The following THSD7B variants were observed in gnomAD, a reference collection of about 807,000 sequenced individuals.
The protein encoded by THSD7B is thrombospondin type-1 domain-containing protein 7B.
In THSD7B, 138 loss-of-function variants were observed where a neutral mutation model predicts 213.6. That is an observed-to-expected ratio of 0.65 (90% CI 0.56 to 0.74). The LOEUF (loss-of-function observed/expected upper bound fraction) is 0.74. Ranked by LOEUF, THSD7B falls within the 30% of genes least tolerant of loss-of-function variation. THSD7B has a pLI of 0.00. For missense variants in THSD7B, 1,931 were observed against 1,991.5 expected (o/e 0.97, Z 0.58); for synonymous variants, 742 against 687.0 (o/e 1.08, Z -1.25).
intron 2 of THSD7B, among the ~76,000 whole-genome samples, chr2:137,005,756 T>C (rs1004321678): frequency 2.0e-5 from 3 of 152,208 alleles, no homozygotes; most frequent in African/African-American, 7.2e-5. Context: ...TCGTGTTGTA[T>C]TGTTAGCTGA....
At chr2:136,854,336 C>A (rs1280672818) in intron 1 of THSD7B, among the ~76,000 whole-genome samples, 1 of 152,120 alleles carries the variant, frequency 6.6e-6, no homozygotes, top group Admixed American at 6.6e-5. Flanking sequence ...TTTTGGGATT[C>A]ATTTTCATCT....
intron 3 of THSD7B, among the ~76,000 whole-genome samples, chr2:137,080,421 C>T (rs909566367): frequency 1.4e-5 from 2 of 147,526 alleles, no homozygotes; most frequent in Admixed American, 6.9e-5. Flanking sequence ...ACCATGTTGG[C>T]CAGGCTGGTC....
At chr2:137,284,250 C>T (rs1683112300) in intron 12 of THSD7B, among the ~76,000 whole-genome samples, 1 of 152,050 alleles carries the variant, frequency 6.6e-6, no homozygotes, top group African/African-American at 2.4e-5. Context: ...GTGATATCCC[C>T]TTTGTCATTT....
intron 12 of THSD7B, among the ~76,000 whole-genome samples, chr2:137,372,183 G>A (rs1685546728): frequency 6.6e-6 from 1 of 152,112 alleles, no homozygotes; most frequent in African/African-American, 2.4e-5. Context: ...GTGGCCTAGA[G>A]GGGGAAGACC....
chr2:137,249,886 A>G (rs1486613748), intron 10 of THSD7B, among the ~76,000 whole-genome samples: 1 of 152,270 alleles, frequency 6.6e-6, no homozygotes, highest in Non-Finnish European at 1.5e-5. Flanking sequence ...TGCATGTTAT[A>G]GATCACACAT....
intron 7 of THSD7B, among the ~76,000 whole-genome samples, chr2:137,226,781 T>C (rs1203824392): frequency 2.0e-5 from 3 of 151,918 alleles, no homozygotes; most frequent in Non-Finnish European, 4.4e-5. Context: ...AACAAGTATA[T>C]GCACATGCAT....
chr2:137,359,511 G>T (rs952490082), intron 12 of THSD7B, among the ~76,000 whole-genome samples: 4 of 152,172 alleles, frequency 2.6e-5, no homozygotes, highest in African/African-American at 9.6e-5. Context: ...ACCAAGAGGG[G>T]TATGGGGTGG....
At chr2:136,841,338 G>A (rs1682915704) in intron 1 of THSD7B, among the ~76,000 whole-genome samples, 2 of 152,038 alleles carry the variant, frequency 1.3e-5, no homozygotes, top group Admixed American at 1.3e-4. Context: ...GCTCATGACG[G>A]TAATCCCAGC....
At chr2:137,430,307 A>G (rs541030943) in intron 14 of THSD7B, among the ~76,000 whole-genome samples, 63 of 152,332 alleles carry the variant, frequency 4.1e-4, no homozygotes, top group African/African-American at 1.5e-3. Flanking sequence ...AACTAAGCAT[A>G]ACCTTATGCT....
At chr2:136,840,428 C>G (rs1004658612) in intron 1 of THSD7B, among the ~76,000 whole-genome samples, 2 of 152,026 alleles carry the variant, frequency 1.3e-5, no homozygotes, top group Non-Finnish European at 2.9e-5. Flanking sequence ...CGCCAGTTCT[C>G]TTGGGTAGTT....
At chr2:137,559,546 A>T (rs7569823) in intron 15 of THSD7B, among the ~76,000 whole-genome samples, 1 of 151,928 alleles carries the variant, frequency 6.6e-6, no homozygotes, top group Non-Finnish European at 1.5e-5. Flanking sequence ...TTCCTTACAC[A>T]GTATACAAAA....
At chr2:136,862,622 GTGAA>G (rs1459651369) in intron 1 of THSD7B, among the ~76,000 whole-genome samples, 1 of 152,202 alleles carries the variant, frequency 6.6e-6, no homozygotes, top group Admixed American at 6.5e-5. Context: ...CAACTGGGGA[GTGAA>G]TAACTGCCCA....
At chr2:136,884,655 T>TCATA (rs1683686403) in intron 2 of THSD7B, among the ~76,000 whole-genome samples, 1 of 152,234 alleles carries the variant, frequency 6.6e-6, no homozygotes, top group Non-Finnish European at 1.5e-5. Context: ...GTAAGTGGAA[T>TCATA]CATACTCTGC....
chr2:137,345,567 T>A (rs1361825144), intron 12 of THSD7B, among the ~76,000 whole-genome samples: 1 of 151,652 alleles, frequency 6.6e-6, no homozygotes, highest in Non-Finnish European at 1.5e-5. Flanking sequence ...CCATGCTACT[T>A]GGTCACATGC....
intron 7 of THSD7B, among the ~76,000 whole-genome samples, chr2:137,224,840 GCTTCTGAAACAAACAGCTCA>G (rs1681459707): frequency 6.6e-6 from 1 of 151,942 alleles, no homozygotes; most frequent in Non-Finnish European, 1.5e-5. Context: ...ACCCAGTTAG[GCTTCTGAAACAAACAGCTCA>G]CTTGCCACAT....
intron 3 of THSD7B, among the ~76,000 whole-genome samples, chr2:137,065,101 T>C (rs962957988): frequency 1.6e-4 from 24 of 152,072 alleles, no homozygotes; most frequent in African/African-American, 5.6e-4. Context: ...ATAGATTACT[T>C]TGAGTAATAG....
chr2:137,486,162 A>C (rs924492277), intron 15 of THSD7B, among the ~76,000 whole-genome samples: 6 of 152,016 alleles, frequency 3.9e-5, no homozygotes, highest in African/African-American at 1.4e-4. Flanking sequence ...CTTTAAATGT[A>C]AATGGACTAA....
chr2:137,339,465 G>A (rs892400324), intron 12 of THSD7B, among the ~76,000 whole-genome samples: 12 of 151,990 alleles, frequency 7.9e-5, no homozygotes, highest in African/African-American at 2.9e-4. Context: ...ATTGTGAGGG[G>A]ATGGATTGGG....
chr2:137,225,210 T>C (rs1681469341), intron 7 of THSD7B, among the ~76,000 whole-genome samples: 1 of 152,224 alleles, frequency 6.6e-6, no homozygotes, highest in Admixed American at 6.5e-5. Context: ...TTGTATTCTA[T>C]CACTTCCTCC....
Sources: allele counts gnomAD v4.1 joint callset (sites outside exome capture counted in the v4.1 genomes callset), GRCh38; gene constraint gnomAD v4.1.1; transcripts MANE v1.5; gene names NCBI Gene and HGNC (gene_info 2026-07-23, HGNC 2026-07-21).